HNRNPC: variants seen among roughly 807,000 people sequenced by gnomAD.
The protein encoded by HNRNPC is heterogeneous nuclear ribonucleoprotein C.
In HNRNPC, 3 loss-of-function variants were observed where a neutral mutation model predicts 33.2. The observed-to-expected ratio is 0.09, with a 90% CI of 0.04 to 0.23. The LOEUF is 0.23. HNRNPC is among the 10% of genes least tolerant of loss of function. HNRNPC has a pLI of 1.00. For missense variants in HNRNPC, 143 were observed against 366.7 expected (o/e 0.39, Z 4.98); for synonymous variants, 121 against 126.7 (o/e 0.96, Z 0.30).
At chr14:21,238,251 C>T (rs1894942650) in intron 2 of HNRNPC, among the ~76,000 whole-genome samples, 1 of 152,020 alleles carries the variant, frequency 6.6e-6, no homozygotes, top group Non-Finnish European at 1.5e-5. Context: ...AATAAATGTC[C>T]AGCAATAATA....
At chr14:21,226,512 C>G (rs1893457717) in intron 5 of HNRNPC, among the ~76,000 whole-genome samples, 2 of 151,810 alleles carry the variant, frequency 1.3e-5, no homozygotes. Flanking sequence ...GATAAAAATT[C>G]ACTTTTATTA....
chr14:21,228,950 T>TG (rs1237259165), intron 5 of HNRNPC, among the ~76,000 whole-genome samples: 1 of 151,104 alleles, frequency 6.6e-6, no homozygotes, highest in Admixed American at 6.6e-5. Flanking sequence ...CCGGGAGTGG[T>TG]GGTGCATGCC....
chr14:21,268,390 G>T (rs1440752955), intron 1 of HNRNPC, among the ~76,000 whole-genome samples: 2 of 152,152 alleles, frequency 1.3e-5, no homozygotes, highest in Non-Finnish European at 2.9e-5. Context: ...TTTCTTAAGC[G>T]CAATTTGGGA....
chr14:21,220,899 C>A (rs937540987), intron 5 of HNRNPC, among the ~76,000 whole-genome samples: 51 of 151,558 alleles, frequency 3.4e-4, no homozygotes, highest in Non-Finnish European at 6.2e-4. Flanking sequence ...CCAGCCTGGG[C>A]AACATGGTGA....
At chr14:21,252,906 T>G (rs968021485) in intron 2 of HNRNPC, among the ~76,000 whole-genome samples, 7 of 152,176 alleles carry the variant, frequency 4.6e-5, no homozygotes, top group African/African-American at 1.7e-4. Flanking sequence ...GCGGGTGCAG[T>G]TGCTCACACC....
intron 2 of HNRNPC, among the ~76,000 whole-genome samples, chr14:21,259,335 C>A (rs1345496095): frequency 1.3e-5 from 2 of 152,134 alleles, no homozygotes; most frequent in Non-Finnish European, 2.9e-5. Context: ...CTTCATCGAT[C>A]CTTACTGTGA....
intron 2 of HNRNPC, among the ~76,000 whole-genome samples, chr14:21,258,949 A>G (rs931893293): frequency 1.3e-5 from 2 of 152,256 alleles, no homozygotes; most frequent in East Asian, 3.9e-4. Flanking sequence ...AGTTCTCATC[A>G]CTAATATTCC....
At chr14:21,231,605 TCTC>T (rs1429257259) in intron 3 of HNRNPC, among the ~76,000 whole-genome samples, 1 of 152,194 alleles carries the variant, frequency 6.6e-6, no homozygotes, top group Admixed American at 6.5e-5. Context: ...CAGCTTCATC[TCTC>T]CTTTTAATAT....
intron 2 of HNRNPC, among the ~76,000 whole-genome samples, chr14:21,259,846 G>A (rs1877868823): frequency 7.3e-6 from 1 of 136,824 alleles, no homozygotes; most frequent in Non-Finnish European, 1.6e-5. Flanking sequence ...GAGTTTTTGA[G>A]ACCAGCCTGG....
intron 2 of HNRNPC, among the ~76,000 whole-genome samples, chr14:21,241,107 A>G (rs1325768499): frequency 1.3e-5 from 2 of 152,016 alleles, no homozygotes; most frequent in Non-Finnish European, 2.9e-5. Context: ...TGTCTCTACT[A>G]AAGACAAAAA....
chr14:21,240,058 C>G (rs770329703), intron 2 of HNRNPC, among the ~76,000 whole-genome samples: 2 of 152,082 alleles, frequency 1.3e-5, no homozygotes, highest in East Asian at 3.9e-4. Context: ...ACCAGGAATA[C>G]TAAGTTATTT....
intron 2 of HNRNPC, among the ~76,000 whole-genome samples, chr14:21,242,958 C>G (rs2139726686): frequency 6.6e-6 from 1 of 152,268 alleles, no homozygotes; most frequent in South Asian, 2.1e-4. Context: ...AACCCCATCT[C>G]TACTAACAAT....
intron 2 of HNRNPC, among the ~76,000 whole-genome samples, chr14:21,248,473 G>C (rs1266935722): frequency 2.0e-5 from 3 of 152,130 alleles, no homozygotes; most frequent in Non-Finnish European, 4.4e-5. Context: ...CACAGGATAG[G>C]AATGAAGCAT....
intron 5 of HNRNPC, among the ~76,000 whole-genome samples, chr14:21,216,043 G>A (rs1288464446): frequency 6.7e-6 from 1 of 149,234 alleles, no homozygotes; most frequent in East Asian, 2.0e-4. Flanking sequence ...TTGAACCCAG[G>A]AAGGAAGTGG....
chr14:21,249,753 T>G (rs992980344), intron 2 of HNRNPC, among the ~76,000 whole-genome samples: 1 of 152,156 alleles, frequency 6.6e-6, no homozygotes, highest in African/African-American at 2.4e-5. Flanking sequence ...GTGCCATCAT[T>G]AAAGTGTTTC....
intron 2 of HNRNPC, among the ~76,000 whole-genome samples, chr14:21,246,195 G>A (rs755393197): frequency 2.0e-4 from 30 of 152,016 alleles, no homozygotes; most frequent in Admixed American, 9.2e-4. Context: ...TGCAGCACAC[G>A]GCTCTATATT....
intron 3 of HNRNPC, among the ~76,000 whole-genome samples, chr14:21,233,264 A>C (rs1325383477): frequency 6.6e-6 from 1 of 152,236 alleles, no homozygotes; most frequent in African/African-American, 2.4e-5. Flanking sequence ...ATTATCAAAG[A>C]ATTGTTTCAC....
chr14:21,216,120 C>CA (rs370660995), intron 5 of HNRNPC, among the ~76,000 whole-genome samples: 5,640 of 87,578 alleles, frequency 0.064, 226 homozygotes, highest in Middle Eastern at 0.13. Flanking sequence ...CCTCCACCAC[C>CA]AAAAAAAAAA....
chr14:21,265,078 C>T (rs1878756320), intron 1 of HNRNPC: 1 of 152,170 alleles, frequency 6.6e-6, no homozygotes, highest in East Asian at 1.9e-4. Context: ...TGAATGACTA[C>T]AGCAGCAACA....
Sources: allele counts gnomAD v4.1 joint callset (sites outside exome capture counted in the v4.1 genomes callset), GRCh38; gene constraint gnomAD v4.1.1; transcripts MANE v1.5; gene names NCBI Gene and HGNC (gene_info 2026-07-23, HGNC 2026-07-21).